Variants in SLC8A1 observed in about 807,000 individuals in gnomAD.
The protein encoded by SLC8A1 is sodium/calcium exchanger 1.
SLC8A1 carries 18 observed loss-of-function variants against 68.3 expected under a neutral mutation model. That is an observed-to-expected ratio of 0.26 (90% CI 0.18 to 0.39). SLC8A1 has a LOEUF of 0.39. Ranked by LOEUF, SLC8A1 falls within the 10% of genes least tolerant of loss-of-function variation. SLC8A1 has a pLI of 1.00. For missense variants in SLC8A1, 985 were observed against 1,156.7 expected (o/e 0.85, Z 2.15); for synonymous variants, 475 against 415.5 (o/e 1.14, Z -1.74).
At chr2:40,356,815 G>A (rs987156327) in intron 2 of SLC8A1, among the ~76,000 whole-genome samples, 9 of 152,232 alleles carry the variant, frequency 5.9e-5, no homozygotes, top group Admixed American at 2.6e-4. Context: ...GTTAATGTGA[G>A]GAGAAACCAA....
At chr2:40,206,050 T>C (rs556932072) in intron 2 of SLC8A1, among the ~76,000 whole-genome samples, 47 of 152,120 alleles carry the variant, frequency 3.1e-4, no homozygotes, top group African/African-American at 1.1e-3. Context: ...AAAAGTAAAG[T>C]TACAGAAAAC....
chr2:40,254,972 C>G (rs930258976), intron 2 of SLC8A1: 1 of 152,072 alleles, frequency 6.6e-6, no homozygotes, highest in African/African-American at 2.4e-5. Context: ...TCCATTCCTT[C>G]TATCTCGCCT....
At chr2:40,357,684 G>T (rs1673150124) in intron 2 of SLC8A1, among the ~76,000 whole-genome samples, 1 of 151,944 alleles carries the variant, frequency 6.6e-6, no homozygotes, top group African/African-American at 2.4e-5. Flanking sequence ...AGAACTTAAA[G>T]TATAATTTTA....
chr2:40,459,660 C>G (rs1304441931), intron 1 of SLC8A1, among the ~76,000 whole-genome samples: 1 of 152,170 alleles, frequency 6.6e-6, no homozygotes, highest in Non-Finnish European at 1.5e-5. Flanking sequence ...CTTATTAGTG[C>G]ACCTGGATGA....
intron 2 of SLC8A1, among the ~76,000 whole-genome samples, chr2:40,390,397 G>T (rs1287277181): frequency 6.6e-6 from 1 of 151,954 alleles, no homozygotes; most frequent in Non-Finnish European, 1.5e-5. Context: ...TTTCTCACCT[G>T]CTTCCTGCTA....
intron 2 of SLC8A1, among the ~76,000 whole-genome samples, chr2:40,427,606 AG>A (rs1280440936): frequency 2.0e-5 from 3 of 152,122 alleles, no homozygotes; most frequent in Non-Finnish European, 2.9e-5. Flanking sequence ...AAGGGGGAAC[AG>A]CCCTCTAAAT....
intron 2 of SLC8A1, among the ~76,000 whole-genome samples, chr2:40,208,749 A>AGAGTT (rs1345029946): frequency 6.6e-6 from 1 of 152,178 alleles, no homozygotes; most frequent in African/African-American, 2.4e-5. Context: ...AAAGCAAACA[A>AGAGTT]GAGTTGAAAT....
chr2:40,352,732 C>G (rs1356360603), intron 2 of SLC8A1, among the ~76,000 whole-genome samples: 2 of 152,144 alleles, frequency 1.3e-5, no homozygotes, highest in Admixed American at 1.3e-4. Flanking sequence ...ACATTTTAGT[C>G]AGTAAAATGA....
At chr2:40,220,883 A>G (rs2058233495) in intron 2 of SLC8A1, among the ~76,000 whole-genome samples, 2 of 152,082 alleles carry the variant, frequency 1.3e-5, no homozygotes, top group Non-Finnish European at 2.9e-5. Context: ...TTCAAAAAAA[A>G]AGTCCTATCA....
At chr2:40,252,919 A>ATG (rs1209737548) in intron 2 of SLC8A1, among the ~76,000 whole-genome samples, 2 of 128,242 alleles carry the variant, frequency 1.6e-5, no homozygotes, top group South Asian at 4.4e-4. Flanking sequence ...ATGTGTATAT[A>ATG]TACATACATG....
chr2:40,372,864 G>C (rs1453231922), intron 2 of SLC8A1, among the ~76,000 whole-genome samples: 3 of 152,034 alleles, frequency 2.0e-5, no homozygotes, highest in African/African-American at 4.8e-5. Flanking sequence ...TGTTAACATA[G>C]GGAGGGATAG....
intron 2 of SLC8A1, among the ~76,000 whole-genome samples, chr2:40,206,221 A>T (rs559960774): frequency 6.6e-6 from 1 of 152,192 alleles, no homozygotes; most frequent in Non-Finnish European, 1.5e-5. Context: ...AGCCTGTGCC[A>T]TGACAAATAT....
At chr2:40,256,961 C>G (rs961272971) in intron 2 of SLC8A1, among the ~76,000 whole-genome samples, 6 of 151,770 alleles carry the variant, frequency 4.0e-5, no homozygotes, top group Non-Finnish European at 7.4e-5. Flanking sequence ...CAACTCAGCC[C>G]CAAAAGTCTC....
chr2:40,243,401 T>C (rs900869567), intron 2 of SLC8A1, among the ~76,000 whole-genome samples: 17 of 152,116 alleles, frequency 1.1e-4, no homozygotes, highest in Admixed American at 7.9e-4. Context: ...GGAGGATCAC[T>C]TGAGCCTAGG....
chr2:40,258,083 A>T (rs1197261737), intron 2 of SLC8A1, among the ~76,000 whole-genome samples: 1 of 152,166 alleles, frequency 6.6e-6, no homozygotes, highest in African/African-American at 2.4e-5. Flanking sequence ...GCTGTCAAAC[A>T]TTTTGTGTTA....
In SLC8A1 at chr2:40,219,631, A is replaced by G. The variant is rs575631512; in HGVS notation, c.1809-41776T>C. ...TTAAGAGGCCTCAGGCATTACAATTATAAGTTTTTTTCTTCTCTTCAGACT... is the reference window on the plus strand; with the variant it reads ...TTAAGAGGCCTCAGGCATTACAATTGTAAGTTTTTTTCTTCTCTTCAGACT... On this transcript the variant is annotated intron_variant, in intron 2 of 7. Transcript: ENST00000406785. Among the ~76,000 whole-genome samples, 8 of 152,318 alleles carry G rather than the reference A, an allele frequency of 5.3e-5. No individual in the cohort carries two copies. In the South Asian group the frequency reaches 1.4e-3, roughly 28 times the overall value.
intron 2 of SLC8A1, among the ~76,000 whole-genome samples, chr2:40,228,285 T>C (rs1558848371): frequency 6.6e-6 from 1 of 152,202 alleles, no homozygotes. Context: ...TATGCAAAGA[T>C]CACATACACA....
chr2:40,199,998 G>C (rs1289997033), intron 2 of SLC8A1, among the ~76,000 whole-genome samples: 2 of 148,238 alleles, frequency 1.3e-5, no homozygotes, highest in African/African-American at 5.0e-5. Flanking sequence ...CTCTTCAAGA[G>C]ATCACACTAA....
chr2:40,176,878 A>G (rs570413016), intron 3 of SLC8A1, among the ~76,000 whole-genome samples: 10 of 152,176 alleles, frequency 6.6e-5, no homozygotes, highest in Non-Finnish European at 8.8e-5. Flanking sequence ...TTCCTTTTAA[A>G]ATGGCCACCA....
Sources: gnomAD v4.1 joint callset for allele counts (sites outside exome capture counted in the v4.1 genomes callset) on GRCh38, gnomAD v4.1.1 for gene constraint, MANE v1.5 for transcripts, NCBI Gene and HGNC (gene_info 2026-07-23, HGNC 2026-07-21) for gene names.